The following POFUT2 variants were observed in gnomAD, a reference collection of about 807,000 sequenced individuals.
POFUT2 encodes the protein GDP-fucose protein O-fucosyltransferase 2.
Under a neutral mutation model 55.0 loss-of-function variants are expected in POFUT2, and 30 were observed. The ratio of observed to expected loss-of-function variants is 0.55; its 90% confidence interval spans 0.41 to 0.74. The LOEUF (loss-of-function observed/expected upper bound fraction) is 0.74, where lower values mean the gene tolerates loss of function less well. POFUT2 is among the 30% of genes least tolerant of loss of function. The pLI, the probability that POFUT2 is intolerant of heterozygous loss-of-function variation, is 0.00. For missense variants in POFUT2, 524 were observed against 562.6 expected, an observed-to-expected ratio of 0.93 and a Z score of 0.69; for synonymous variants, 267 against 231.1, an observed-to-expected ratio of 1.16 and a Z score of -1.41.
chr21:45,268,009 C>G (rs2093173250), intron 7 of POFUT2, among the ~76,000 whole-genome samples: 2 of 152,174 alleles, frequency 1.3e-5, no homozygotes, highest in African/African-American at 4.8e-5. Flanking sequence ...TCCCCACGGT[C>G]TCCCTCTCTT....
Position 45,265,353 on chromosome 21 carries a change from C to T in POFUT2, c.*129G>A. ...CTAGAGGCGTGGGGCCTCTTCTGGG[C>T]CTGGGACCCTGCGAGGGACGGTCCT... is the stretch of plus-strand genomic sequence containing the variant. On this transcript the variant is annotated 3_prime_UTR_variant, in exon 9 of 9. Coordinates refer to ENST00000349485, the MANE Select transcript of POFUT2 (RefSeq NM_133635.6). The surrounding 1 kb of genome is among the most constrained non-coding windows in gnomAD (Gnocchi z 4.6). 1 of 807,754 alleles carries T rather than the reference C, an allele frequency of 1.2e-6. No homozygotes were observed. Among genetic ancestry groups the T allele is most frequent in the Non-Finnish European group, 1.9e-6 (1 of 516,912 alleles). 50.0% of individuals were successfully genotyped at this position (807,754 alleles called of 1,614,324 possible). A position where few individuals can be genotyped will look rare whatever the true frequency, so the allele number is the denominator to read the frequency against.
In POFUT2 at chr21:45,284,861, G is replaced by A. The variant is rs1217958256; in HGVS notation, c.382+817C>T. On this transcript the variant is annotated intron_variant, in intron 2 of 8. Transcript: ENST00000349485. This position sits in a 1 kb window ranked among gnomAD's most constrained non-coding sequence, Gnocchi z 5.8. ...AGACTTTCTGACTTGGTATCAACAA[G>A]GATGTTGGAGGTTACCGCCTGTTGT... Among the ~76,000 whole-genome samples the A allele has an allele frequency of 1.3e-5, 2 of 152,168 alleles. No homozygotes were observed. The highest frequency in any genetic ancestry group is 2.9e-5 in the Non-Finnish European group (2 of 68,026).
At chr21:45,280,404 T>C (rs2146641203) in intron 4 of POFUT2, among the ~76,000 whole-genome samples, 1 of 152,224 alleles carries the variant, frequency 6.6e-6, no homozygotes, top group African/African-American at 2.4e-5. Flanking sequence ...GGCTGAGGGG[T>C]GCACGTGTTT....
chr21:45,280,238 C>T (rs1045325290), intron 4 of POFUT2, among the ~76,000 whole-genome samples: 4 of 152,256 alleles, frequency 2.6e-5, no homozygotes, highest in Admixed American at 6.5e-5. Context: ...CCCTCCGATG[C>T]ACGGGACTGT....
chr21:45,282,858 T>G lies in POFUT2; in HGVS notation c.528-399A>C, dbSNP rs1218957249. 2.1e-6 allele frequency: 1 copy of G among 479,054 alleles called. No homozygotes were observed. The highest frequency in any genetic ancestry group is 4.3e-6 in the Non-Finnish European group (1 of 232,924). 29.7% of individuals were successfully genotyped at this position (479,054 alleles called of 1,614,324 possible). A position where few individuals can be genotyped will look rare whatever the true frequency, so the allele number is the denominator to read the frequency against. On this transcript the variant is annotated intron_variant, in intron 3 of 8. Transcript: ENST00000349485. This position sits in a 1 kb window ranked among gnomAD's most constrained non-coding sequence, Gnocchi z 4.6. The stretch of plus-strand genomic sequence containing the variant: ...CACTGGACACATGGAGGCTGTTAAC[T>G]GACAGCTTTTCCACAGGAGGCCTGG...
rs1370722778 is a variant in POFUT2 at position 45,267,948 on chromosome 21, GAAGA to G, written c.1013-239_1013-236del. On this transcript the variant is annotated intron_variant, in intron 7 of 8. Transcript: ENST00000349485. This position sits in a 1 kb window ranked among gnomAD's most constrained non-coding sequence, Gnocchi z 4.4. ...TACCCAGAACAGAACCAGGGATCAA[GAAGA>G]AAGGAAAGAAACGTGCTCCCTCTCC... 1.3e-5 allele frequency among the ~76,000 whole-genome samples: 2 copies of G among 152,166 alleles called. No individual in the cohort carries two copies. The highest frequency in any genetic ancestry group is 4.8e-5 in the African/African-American group (2 of 41,448).
chr21:45,275,662 T>C (rs1188281051), intron 6 of POFUT2, among the ~76,000 whole-genome samples: 76 of 152,068 alleles, frequency 5.0e-4, no homozygotes, highest in Non-Finnish European at 2.1e-4. Flanking sequence ...GAAAACCAAA[T>C]ATTGTATGTT....
Position 45,285,624 on chromosome 21 carries a change from C to A in POFUT2, c.382+54G>T. On this transcript the variant is annotated intron_variant, in intron 2 of 8. Coordinates refer to ENST00000349485, the MANE Select transcript of POFUT2 (RefSeq NM_133635.6). The surrounding 1 kb of genome is among the most constrained non-coding windows in gnomAD (Gnocchi z 4.9). ...AACCTGATGTCTACCTTAGAAATGA[C>A]TGCCTGGCCCCAGTTAAGCAACCAC... 6.2e-7 allele frequency: 1 copy of A among 1,610,114 alleles called. No individual in the cohort carries two copies. The highest frequency in any genetic ancestry group is 1.7e-4 in the Middle Eastern group (1 of 6,060).
chr21:45,269,825 T>A lies in POFUT2; in HGVS notation c.1012+14A>T, dbSNP rs750835342. On this transcript the variant is annotated intron_variant, in intron 7 of 8. Coordinates refer to ENST00000349485, the MANE Select transcript of POFUT2 (RefSeq NM_133635.6). The stretch of plus-strand genomic sequence containing the variant: ...AAAAGAAAGGAAAGAAACGAAAGCA[T>A]TGAAGCTCCATACCCTTTCTGACGG... The A allele has an allele frequency of 9.4e-6, 15 of 1,587,576 alleles. No individual in the cohort carries two copies. In the South Asian group the frequency reaches 1.2e-4, roughly 12 times the overall value.
Position 45,287,735 on chromosome 21 carries a change from GT to G in POFUT2, c.131+5del. 1 of 1,385,448 alleles carries G rather than the reference GT, an allele frequency of 7.2e-7. No homozygotes were observed. Among genetic ancestry groups the G allele is most frequent in the South Asian group, 1.4e-5 (1 of 71,700 alleles). 85.8% of individuals were successfully genotyped at this position (1,385,448 alleles called of 1,614,324 possible). A position where few individuals can be genotyped will look rare whatever the true frequency, so the allele number is the denominator to read the frequency against. On this transcript the variant is annotated splice_donor_5th_base_variant and intron_variant, in intron 1 of 8. Coordinates refer to ENST00000349485, the MANE Select transcript of POFUT2 (RefSeq NM_133635.6). ...CCCAGCGTTGGCACCGTGGACGCGC[GT>G]TTACCGTCTGCGGGAAGCCGCCCCC...
chr21:45,271,177 C>T (rs1353798833), intron 6 of POFUT2, among the ~76,000 whole-genome samples: 1 of 151,832 alleles, frequency 6.6e-6, no homozygotes, highest in African/African-American at 2.4e-5. Context: ...ATGAAAAATG[C>T]TCCAGATAAC....
rs760756924 is a variant in POFUT2 at position 45,281,969 on chromosome 21, A to T, written c.638+380T>A. ...AGACCCGTGAGGCAGAAAACAGATC[A>T]AACAGTGGGTGTTGGGTGTGGGGAG... On this transcript the variant is annotated intron_variant, in intron 4 of 8. Coordinates refer to ENST00000349485, the MANE Select transcript of POFUT2 (RefSeq NM_133635.6). The surrounding 1 kb of genome is among the most constrained non-coding windows in gnomAD (Gnocchi z 5.0). 4.6e-5 allele frequency among the ~76,000 whole-genome samples: 7 copies of T among 152,120 alleles called. No individual in the cohort carries two copies. The highest frequency in any genetic ancestry group is 1.0e-4 in the Non-Finnish European group (7 of 68,010).
In POFUT2 at chr21:45,265,542, C is replaced by A; in HGVS notation, c.1230G>T (p.Arg410Ser). 1.9e-6 allele frequency: 3 copies of A among 1,614,140 alleles called. No homozygotes were observed. Among genetic ancestry groups the A allele is most frequent in the Non-Finnish European group, 2.5e-6 (3 of 1,180,008 alleles). ...ACGCCTTCTCTTGGTCTCCGCAGAA[C>A]CTGTTGTACGTCGTCTTGGGGTCCA... is the stretch of plus-strand genomic sequence containing the variant. ...LGLDPKTTYN[R>S]FCGDQEKACE... The change falls in exon 9 of 9, where the codon AGG becomes AGT. Residue 410 changes from arginine (R) to serine (S), a missense_variant. By Grantham distance (110) the Arg-to-Ser change is moderately radical. Coordinates refer to ENST00000349485, the MANE Select transcript of POFUT2 (RefSeq NM_133635.6). This position sits in a 1 kb window ranked among gnomAD's most constrained non-coding sequence, Gnocchi z 4.6.
chr21:45,283,293 G>A (rs1455283167), intron 3 of POFUT2, 90 bp downstream of exon 3: 3 of 598,166 alleles, frequency 5.0e-6, no homozygotes, highest in Non-Finnish European at 8.1e-6. Context: ...AGGAGTGGGC[G>A]GGGGGCGCCT....
At position 45,270,966 on chromosome 21, in the gene POFUT2, GATA is replaced by G. The variant is rs756150543; in HGVS notation, c.832-950_832-948del. On this transcript the variant is annotated intron_variant, in intron 6 of 8. Coordinates refer to ENST00000349485, the MANE Select transcript of POFUT2 (RefSeq NM_133635.6). The surrounding 1 kb of genome is among the most constrained non-coding windows in gnomAD (Gnocchi z 4.6). ...GAGAAGCAGGCAGAAAAGCAATTGTGATAATATGACAAAACAAGGTTCTATAGT... is the reference window on the plus strand; with the variant it reads ...GAGAAGCAGGCAGAAAAGCAATTGTGATATGACAAAACAAGGTTCTATAGT... Among the ~76,000 whole-genome samples, 4 of 152,170 alleles carry G rather than the reference GATA, an allele frequency of 2.6e-5. No individual in the cohort carries two copies. Among genetic ancestry groups the G allele is most frequent in the Non-Finnish European group, 4.4e-5 (3 of 68,026 alleles).
intron 4 of POFUT2, among the ~76,000 whole-genome samples, chr21:45,278,537 T>A (rs1414194582): frequency 6.6e-6 from 1 of 152,142 alleles, no homozygotes. Flanking sequence ...AAGGTTTTCT[T>A]TGACAAAAAG....
In POFUT2 at chr21:45,277,350, C is replaced by A. The variant is rs529781383; in HGVS notation, c.706-208G>T. On this transcript the variant is annotated intron_variant, in intron 5 of 8. Transcript: ENST00000349485. The surrounding 1 kb of genome is among the most constrained non-coding windows in gnomAD (Gnocchi z 6.9). The stretch of plus-strand genomic sequence containing the variant: ...CATGAAGCCAACGCAGGGCAAGCCG[C>A]CCACCCCTGCCGGCTCTGCCAGCCC... The A allele has an allele frequency of 4.9e-6, 3 of 606,174 alleles. No individual in the cohort carries two copies. Among genetic ancestry groups the A allele is most frequent in the Non-Finnish European group, 5.6e-6 (2 of 359,558 alleles). The allele number at this position is 606,174 out of a possible 1,614,324, so 37.5% of individuals were successfully genotyped here. A position where few individuals can be genotyped will look rare whatever the true frequency, so the allele number is the denominator to read the frequency against.
chr21:45,271,534 C>T (rs952370531), intron 6 of POFUT2, among the ~76,000 whole-genome samples: 2 of 152,178 alleles, frequency 1.3e-5, no homozygotes, highest in African/African-American at 2.4e-5. Context: ...CATCCAAATA[C>T]AGGAAGCTCA....
chr21:45,283,696 G>A (rs1375689770), intron 2 of POFUT2, among the ~76,000 whole-genome samples, 169 bp from the exon 3 acceptor site: 2 of 152,180 alleles, frequency 1.3e-5, no homozygotes, highest in Non-Finnish European at 2.9e-5. Context: ...TGCCATGAGG[G>A]CACAGGGCCA....
Sources: gnomAD v4.1 joint callset for allele counts (sites outside exome capture counted in the v4.1 genomes callset) on GRCh38, gnomAD v4.1.1 for gene constraint, Gnocchi (gnomAD v3.1) non-coding constraint, MANE v1.5 for transcripts, NCBI Gene and HGNC (gene_info 2026-07-23, HGNC 2026-07-21) for gene names.